Variants in GNAI1 observed in about 807,000 individuals in gnomAD.
GNAI1 encodes the protein G protein subunit alpha i1.
In GNAI1, 11 loss-of-function variants were observed where a neutral mutation model predicts 38.9. The observed-to-expected ratio is 0.28, with a 90% confidence interval of 0.18 to 0.47. The LOEUF (loss-of-function observed/expected upper bound fraction) is 0.47, where lower values mean the gene tolerates loss of function less well. GNAI1 is among the 20% of genes least tolerant of loss of function. GNAI1 has a pLI of 0.99. For missense variants in GNAI1, 317 were observed against 436.9 expected (o/e 0.73, Z 2.45); for synonymous variants, 166 against 145.1 (o/e 1.14, Z -1.04).
intron 1 of GNAI1, among the ~76,000 whole-genome samples, chr7:80,144,397 C>A (rs1053184361): frequency 3.9e-5 from 6 of 152,030 alleles, no homozygotes; most frequent in African/African-American, 1.5e-4. Flanking sequence ...GATAGAACTC[C>A]AGGATTATAA....
intron 4 of GNAI1, among the ~76,000 whole-genome samples, chr7:80,202,832 T>A (rs1226409435): frequency 6.6e-6 from 1 of 152,214 alleles, no homozygotes; most frequent in Non-Finnish European, 1.5e-5. Flanking sequence ...GTGGCTTTAC[T>A]TTCCAAGAAA....
chr7:80,156,077 C>A (rs182037413), intron 1 of GNAI1, among the ~76,000 whole-genome samples: 65 of 149,898 alleles, frequency 4.3e-4, no homozygotes, highest in Non-Finnish European at 5.2e-4. Context: ...AGAAAGCAAG[C>A]TGATGTACAT....
intron 1 of GNAI1, among the ~76,000 whole-genome samples, chr7:80,168,345 C>T (rs577522209): frequency 3.9e-5 from 6 of 152,118 alleles, no homozygotes; most frequent in South Asian, 2.1e-4. Context: ...TTAAAAATTC[C>T]GACAAAATAT....
At chr7:80,141,318 C>T (rs543780389) in intron 1 of GNAI1, among the ~76,000 whole-genome samples, 12 of 152,302 alleles carry the variant, frequency 7.9e-5, no homozygotes, top group African/African-American at 2.9e-4. Context: ...TCAACCAGGG[C>T]TCTTGATCTA....
Position 80,220,595 on chromosome 7 carries a change from C to G in GNAI1, c.*3102C>G, listed in dbSNP as rs919144792. 6.6e-6 allele frequency among the ~76,000 whole-genome samples: 1 copy of G among 152,208 alleles called. No individual in the cohort carries two copies. The highest frequency in any genetic ancestry group is 1.5e-5 in the Non-Finnish European group (1 of 68,044). On this transcript the variant is annotated 3_prime_UTR_variant, in exon 8 of 8. Coordinates refer to ENST00000649796, the MANE Select transcript of GNAI1 (RefSeq NM_002069.6). ...TAAGGCGCTTGTGGTTTCTAAAATT[C>G]TCTTCATTTCAGTAACCTTCTAAAA...
intron 1 of GNAI1, among the ~76,000 whole-genome samples, chr7:80,137,714 C>T (rs1284735162): frequency 6.6e-6 from 1 of 152,134 alleles, no homozygotes; most frequent in East Asian, 1.9e-4. Flanking sequence ...TTTTGGCTGT[C>T]TTTTCTAGCT....
chr7:80,214,418 C>G (rs1413788255), intron 7 of GNAI1, among the ~76,000 whole-genome samples: 2 of 152,056 alleles, frequency 1.3e-5, no homozygotes, highest in East Asian at 3.9e-4. Context: ...CCAGATTCCC[C>G]AAGTGAATCC....
chr7:80,161,814 C>G (rs939364511), intron 1 of GNAI1, among the ~76,000 whole-genome samples: 1 of 151,862 alleles, frequency 6.6e-6, no homozygotes, highest in Non-Finnish European at 1.5e-5. Context: ...CTGAAATTAC[C>G]CCTGAAACTA....
At chr7:80,215,062 C>T (rs548899104) in intron 7 of GNAI1, among the ~76,000 whole-genome samples, 2 of 152,240 alleles carry the variant, frequency 1.3e-5, no homozygotes, top group South Asian at 4.1e-4. Flanking sequence ...TTCTCTTTCC[C>T]TTTTGATTGT....
intron 5 of GNAI1, among the ~76,000 whole-genome samples, chr7:80,204,714 C>A (rs1384412460): frequency 6.6e-6 from 1 of 152,046 alleles, no homozygotes; most frequent in East Asian, 1.9e-4. Context: ...TTTCATTGTT[C>A]ACTCAAACAA....
At chr7:80,186,922 A>G (rs1418208081) in intron 1 of GNAI1, 2 of 152,202 alleles carry the variant, frequency 1.3e-5, no homozygotes, top group Non-Finnish European at 2.9e-5. Context: ...AGCCAAGCAC[A>G]CTGTTGTTGA....
chr7:80,135,851 G>A (rs1787404956), intron 1 of GNAI1: 1 of 985,334 alleles, frequency 1.0e-6, no homozygotes. Flanking sequence ...AAGGAGCGCT[G>A]ATTACATTCC....
intron 1 of GNAI1, among the ~76,000 whole-genome samples, chr7:80,154,844 T>C (rs564822100): frequency 4.6e-5 from 7 of 152,346 alleles, no homozygotes; most frequent in Admixed American, 1.3e-4. Flanking sequence ...CTTTCTGGGC[T>C]GTGTTCCAGA....
chr7:80,160,235 A>T (rs1178693794), intron 1 of GNAI1, among the ~76,000 whole-genome samples: 12 of 151,442 alleles, frequency 7.9e-5, no homozygotes, highest in African/African-American at 2.9e-4. Context: ...CAGTCAGAAG[A>T]CTGTAGGTAA....
At chr7:80,167,879 T>A (rs1472204473) in intron 1 of GNAI1, among the ~76,000 whole-genome samples, 1 of 152,246 alleles carries the variant, frequency 6.6e-6, no homozygotes, top group African/African-American at 2.4e-5. Context: ...TTTGTGTTTA[T>A]GTGGAAAATT....
chr7:80,172,816 AT>A (rs200585063), intron 1 of GNAI1, among the ~76,000 whole-genome samples: 2 of 152,104 alleles, frequency 1.3e-5, no homozygotes, highest in Admixed American at 1.3e-4. Context: ...ACCAAAACAA[AT>A]TTTTTTTAAA....
chr7:80,185,831 A>C (rs568631110), intron 1 of GNAI1, among the ~76,000 whole-genome samples: 15 of 152,270 alleles, frequency 9.9e-5, no homozygotes, highest in Admixed American at 2.0e-4. Flanking sequence ...TTGAAACCCT[A>C]ACCACGTGGC....
chr7:80,139,392 C>T (rs1345009356), intron 1 of GNAI1, among the ~76,000 whole-genome samples: 1 of 152,120 alleles, frequency 6.6e-6, no homozygotes, highest in East Asian at 1.9e-4. Context: ...TTAGACTTGG[C>T]TTCCCTCTAG....
chr7:80,138,534 TA>T (rs1787466994), intron 1 of GNAI1, among the ~76,000 whole-genome samples: 1 of 152,028 alleles, frequency 6.6e-6, no homozygotes, highest in Non-Finnish European at 1.5e-5. Flanking sequence ...TTGAGGAAAT[TA>T]TTTTTTATTG....
Sources: gnomAD v4.1 joint callset for allele counts (sites outside exome capture counted in the v4.1 genomes callset) on GRCh38, gnomAD v4.1.1 for gene constraint, MANE v1.5 for transcripts, NCBI Gene and HGNC (gene_info 2026-07-23, HGNC 2026-07-21) for gene names.